SNX29: variants seen among roughly 807,000 people sequenced by gnomAD.
SNX29 encodes sorting nexin-29.
A neutral mutation model predicts 102.1 loss-of-function variants in SNX29; 78 were observed. That is an observed-to-expected ratio of 0.76 (90% CI 0.64 to 0.92). The LOEUF (loss-of-function observed/expected upper bound fraction) is 0.92. Among genes scored for constraint, SNX29 ranks in the 40% least tolerant of loss-of-function variants. SNX29 has a pLI of 0.00. For synonymous variants in SNX29, 580 were observed against 414.5 expected, an observed-to-expected ratio of 1.40 and a Z score of -4.85; for missense variants, 1,280 against 1,061.7, an observed-to-expected ratio of 1.21 and a Z score of -2.86.
At chr16:12,077,712 C>T (rs1414414954) in intron 10 of SNX29, among the ~76,000 whole-genome samples, 1 of 152,110 alleles carries the variant, frequency 6.6e-6, no homozygotes, top group Non-Finnish European at 1.5e-5. Context: ...CCTCTGTTTC[C>T]TGGGTTGAAG....
Position 12,571,048 on chromosome 16 carries a change from ACT to A in SNX29, c.*2422_*2423del, listed in dbSNP as rs1567229418. 2 of 231,844 alleles carry A rather than the reference ACT, an allele frequency of 8.6e-6. No homozygotes were observed. The highest frequency in any genetic ancestry group is 6.1e-5 in the East Asian group (1 of 16,502). The allele number at this position is 231,844 out of a possible 1,614,324, so 14.4% of individuals were successfully genotyped here. On this transcript the variant is annotated 3_prime_UTR_variant, in exon 21 of 21. Coordinates refer to ENST00000566228, the MANE Select transcript of SNX29 (RefSeq NM_032167.5). ...ATCCAGACCATCTCCTCTCATTCTC[ACT>A]CTAAAAATGCTGGTGGCCCGCACAT...
intron 8 of SNX29, among the ~76,000 whole-genome samples, chr16:12,060,153 A>AC (rs909229583): frequency 2.8e-4 from 43 of 151,932 alleles, no homozygotes; most frequent in Middle Eastern, 3.4e-3. Context: ...CCAAAAAAAA[A>AC]CCAATAAAAA....
intron 15 of SNX29, among the ~76,000 whole-genome samples, chr16:12,318,515 G>A (rs915035276): frequency 1.3e-5 from 2 of 152,162 alleles, no homozygotes; most frequent in African/African-American, 4.8e-5. Context: ...CCCATCCTCT[G>A]TTGGTGGGGA....
intron 15 of SNX29, among the ~76,000 whole-genome samples, chr16:12,294,649 C>T (rs1354415733): frequency 3.3e-5 from 5 of 152,166 alleles, no homozygotes; most frequent in Admixed American, 3.3e-4. Context: ...GAGCACAGTT[C>T]CTCTCTGGGT....
intron 14 of SNX29, among the ~76,000 whole-genome samples, chr16:12,271,537 T>G (rs1567381155): frequency 6.6e-6 from 1 of 152,174 alleles, no homozygotes. Context: ...CAGCCTATGC[T>G]CAAGGGGTAG....
intron 15 of SNX29, among the ~76,000 whole-genome samples, chr16:12,334,468 T>C (rs2081385194): frequency 1.3e-5 from 2 of 152,172 alleles, no homozygotes; most frequent in African/African-American, 4.8e-5. Context: ...GCATGAATGA[T>C]TTCACTTAAT....
chr16:12,255,344 C>T (rs2078539957), intron 14 of SNX29, among the ~76,000 whole-genome samples: 1 of 151,718 alleles, frequency 6.6e-6, no homozygotes, highest in South Asian at 2.1e-4. Context: ...TACAGGCACC[C>T]ACCACCATGC....
chr16:12,035,522 G>C (rs1287822899), intron 4 of SNX29, among the ~76,000 whole-genome samples: 1 of 152,170 alleles, frequency 6.6e-6, no homozygotes, highest in Non-Finnish European at 1.5e-5. Context: ...CCCCTTGTTG[G>C]CACTCTGCTC....
At chr16:12,458,104 G>T (rs2086617157) in intron 18 of SNX29, among the ~76,000 whole-genome samples, 1 of 152,196 alleles carries the variant, frequency 6.6e-6, no homozygotes, top group South Asian at 2.1e-4. Context: ...AAAAAAGACT[G>T]TGCATCTGTA....
chr16:12,144,318 T>C (rs1448987205), intron 13 of SNX29, among the ~76,000 whole-genome samples: 1 of 152,228 alleles, frequency 6.6e-6, no homozygotes, highest in African/African-American at 2.4e-5. Flanking sequence ...CTAACATTTG[T>C]CATTTTTGTT....
At chr16:12,161,423 C>T (rs919552328) in intron 13 of SNX29, among the ~76,000 whole-genome samples, 10 of 152,292 alleles carry the variant, frequency 6.6e-5, no homozygotes, top group Admixed American at 2.6e-4. Context: ...GTTACTCTCT[C>T]GTCTTCCTCT....
chr16:12,559,668 A>T (rs2078601160), intron 20 of SNX29, among the ~76,000 whole-genome samples: 1 of 152,008 alleles, frequency 6.6e-6, no homozygotes, highest in Non-Finnish European at 1.5e-5. Flanking sequence ...CTTCTCTACC[A>T]TGGGCCTGGG....
At chr16:12,116,148 G>C (rs1268683705) in intron 11 of SNX29, among the ~76,000 whole-genome samples, 1 of 152,176 alleles carries the variant, frequency 6.6e-6, no homozygotes, top group Non-Finnish European at 1.5e-5. Flanking sequence ...CAGTTTGGTG[G>C]ATCCTTAAAA....
intron 3 of SNX29, among the ~76,000 whole-genome samples, chr16:12,012,079 C>T (rs2056672809): frequency 1.3e-5 from 2 of 152,046 alleles, no homozygotes; most frequent in Non-Finnish European, 1.5e-5. Context: ...TTGGCATTGG[C>T]GATGCAAATT....
rs145756542 is a variant in SNX29, at chr16:12,229,403, C to T, written c.1678+29720C>T. On this transcript the variant is annotated intron_variant, in intron 14 of 20. Coordinates refer to ENST00000566228, the MANE Select transcript of SNX29 (RefSeq NM_032167.5). ...ATGAACATCTAACCAATTTCCATGT[C>T]GTGTATGCGGCTAAGCGAAGAAAAA... 3.1e-3 allele frequency among the ~76,000 whole-genome samples: 476 copies of T among 152,278 alleles called. 3 individuals are homozygous for T. Among genetic ancestry groups the T allele is most frequent in the South Asian group, 9.5e-3 (46 of 4,824 alleles).
intron 20 of SNX29, among the ~76,000 whole-genome samples, chr16:12,539,260 C>T (rs955623944): frequency 6.6e-6 from 1 of 152,182 alleles, no homozygotes; most frequent in Non-Finnish European, 1.5e-5. Flanking sequence ...GTTTTCCCCT[C>T]ATTTCCTTTC....
At chr16:12,512,446 C>G (rs1235624535) in intron 19 of SNX29, among the ~76,000 whole-genome samples, 4 of 132,610 alleles carry the variant, frequency 3.0e-5, no homozygotes, top group East Asian at 2.2e-4. Flanking sequence ...CAGGGTCTCC[C>G]TCTGTTGCCC....
At chr16:12,529,881 C>A (rs562392133) in intron 20 of SNX29, among the ~76,000 whole-genome samples, 1 of 152,234 alleles carries the variant, frequency 6.6e-6, no homozygotes, top group African/African-American at 2.4e-5. Flanking sequence ...TTTTGACTTC[C>A]CTTGTTTTGT....
chr16:12,447,145 G>A (rs953815118), intron 18 of SNX29, among the ~76,000 whole-genome samples: 5 of 118,172 alleles, frequency 4.2e-5, no homozygotes, highest in African/African-American at 1.0e-4. Context: ...CCAGCCTGGC[G>A]ACAGAGGGAG....
Sources: allele counts gnomAD v4.1 joint callset (sites outside exome capture counted in the v4.1 genomes callset), GRCh38; gene constraint gnomAD v4.1.1; transcripts MANE v1.5; gene names NCBI Gene and HGNC (gene_info 2026-07-23, HGNC 2026-07-21).